PRKCE: variants seen among roughly 807,000 people sequenced by gnomAD.
PRKCE encodes the protein protein kinase C epsilon, also known as protein kinase C epsilon type.
A neutral mutation model predicts 85.4 loss-of-function variants in PRKCE; 16 were observed. The observed-to-expected ratio is 0.19, with a 90% CI of 0.13 to 0.28. The LOEUF (loss-of-function observed/expected upper bound fraction) is 0.28. Among genes scored for constraint, PRKCE ranks in the 10% least tolerant of loss-of-function variants. PRKCE has a pLI of 1.00. For synonymous variants in PRKCE, 388 were observed against 371.5 expected (o/e 1.04, Z -0.51); for missense variants, 573 against 975.2 (o/e 0.59, Z 5.49).
intron 1 of PRKCE, among the ~76,000 whole-genome samples, chr2:45,707,695 G>T (rs1168548387): frequency 6.6e-6 from 1 of 152,196 alleles, no homozygotes; most frequent in Non-Finnish European, 1.5e-5. Flanking sequence ...CATTTCTTCT[G>T]TGGCTTCTCA....
chr2:45,745,316 C>T (rs1008672908), intron 1 of PRKCE, among the ~76,000 whole-genome samples: 8 of 152,286 alleles, frequency 5.3e-5, no homozygotes, highest in African/African-American at 1.7e-4. Flanking sequence ...GACAGGCCCA[C>T]CCCAACTTTC....
chr2:45,933,324 A>G (rs77734494), intron 2 of PRKCE, among the ~76,000 whole-genome samples: 118 of 152,306 alleles, frequency 7.7e-4, no homozygotes, highest in African/African-American at 2.8e-3. Flanking sequence ...TGAGGAATGT[A>G]TCAATTTATC....
chr2:46,043,517 T>TA (rs1212431988), intron 10 of PRKCE, among the ~76,000 whole-genome samples: 49 of 152,230 alleles, frequency 3.2e-4, no homozygotes, highest in Admixed American at 1.3e-4. Flanking sequence ...CCCCTAGAGA[T>TA]AAGGCCATTG....
At position 45,737,607 on chromosome 2, in the gene PRKCE, TC is replaced by T. The variant is rs1179043398; in HGVS notation, c.348+85163del. On this transcript the variant is annotated intron_variant, in intron 1 of 14. Coordinates refer to ENST00000306156, the MANE Select transcript of PRKCE (RefSeq NM_005400.3). ...CCTCTCGCCTGTGATGTGTAGATGT[TC>T]CCCAAGCGTCTGCCCTACCTGGCCC... Among the ~76,000 whole-genome samples the T allele has an allele frequency of 2.4e-4, 36 of 150,496 alleles. No individual in the cohort carries two copies. The East Asian group carries it at 6.7e-3, about 28-fold the overall frequency.
rs568376045 is a variant in PRKCE, at chr2:45,688,637, T to C, written c.348+36189T>C. ...AAACCACCAAATGATTCTGTTGTTT[T>C]TGTGGGTTTCTTGAAAGAGACCAAG... On this transcript the variant is annotated intron_variant, in intron 1 of 14. Coordinates refer to ENST00000306156, the MANE Select transcript of PRKCE (RefSeq NM_005400.3). 4.3e-4 allele frequency among the ~76,000 whole-genome samples: 66 copies of C among 152,350 alleles called. 1 individual carries two copies. The highest frequency in any genetic ancestry group is 1.4e-3 in the African/African-American group (60 of 41,584).
intron 11 of PRKCE, among the ~76,000 whole-genome samples, chr2:46,135,852 G>A (rs1028302996): frequency 7.0e-6 from 1 of 143,644 alleles, no homozygotes; most frequent in Non-Finnish European, 1.5e-5. Flanking sequence ...CTTCCTGAGA[G>A]TGATGGGAGG....
chr2:46,107,416 G>A (rs1671833064), intron 11 of PRKCE, among the ~76,000 whole-genome samples: 1 of 152,198 alleles, frequency 6.6e-6, no homozygotes, highest in Non-Finnish European at 1.5e-5. Context: ...GCCGAGGCGG[G>A]CAGATATTCC....
At chr2:45,851,032 G>A (rs1350851453) in intron 2 of PRKCE, among the ~76,000 whole-genome samples, 1 of 152,242 alleles carries the variant, frequency 6.6e-6, no homozygotes. Context: ...TGGTAGGGCA[G>A]GGTGCTGTGG....
chr2:46,011,774 A>G (rs1301963295), intron 10 of PRKCE, among the ~76,000 whole-genome samples: 1 of 151,854 alleles, frequency 6.6e-6, no homozygotes, highest in Non-Finnish European at 1.5e-5. Context: ...TCTCTTACAC[A>G]CACATACACA....
chr2:45,802,525 A>G (rs888551172), intron 1 of PRKCE, among the ~76,000 whole-genome samples: 2 of 152,212 alleles, frequency 1.3e-5, no homozygotes, highest in Non-Finnish European at 2.9e-5. Flanking sequence ...AAAGCCTTTC[A>G]CAGCCTGCCT....
chr2:46,105,781 T>A (rs1371818240), intron 11 of PRKCE, among the ~76,000 whole-genome samples: 1 of 152,186 alleles, frequency 6.6e-6, no homozygotes, highest in Non-Finnish European at 1.5e-5. Flanking sequence ...CTTACCACAA[T>A]AGCAACAGGA....
At chr2:45,732,891 G>A (rs1681702218) in intron 1 of PRKCE, among the ~76,000 whole-genome samples, 1 of 152,176 alleles carries the variant, frequency 6.6e-6, no homozygotes, top group Admixed American at 6.5e-5. Context: ...CAGGAGAGAA[G>A]TTAAATCGTT....
chr2:45,735,073 A>G (rs1558611992), intron 1 of PRKCE, among the ~76,000 whole-genome samples: 1 of 152,190 alleles, frequency 6.6e-6, no homozygotes, highest in African/African-American at 2.4e-5. Flanking sequence ...TCCCTCTCAG[A>G]GTCACTGGGC....
rs1046724947 is a variant in PRKCE at position 45,798,008 on chromosome 2, C to G, written c.349-44992C>G. On this transcript the variant is annotated intron_variant, in intron 1 of 14. Transcript: ENST00000306156. ...CTTGTTCTCATTTCCTCATTTTATA[C>G]TCCTGTGAGGAATTCTTGGGGCTGC... Among the ~76,000 whole-genome samples, 4 of 152,182 alleles carry G rather than the reference C, an allele frequency of 2.6e-5. No homozygotes were observed. The East Asian group carries it at 7.7e-4, about 29-fold the overall frequency.
intron 2 of PRKCE, among the ~76,000 whole-genome samples, chr2:45,898,997 T>G (rs1179183234): frequency 6.6e-6 from 1 of 152,242 alleles, no homozygotes; most frequent in Non-Finnish European, 1.5e-5. Flanking sequence ...GTTTCAGGAC[T>G]TACATGTTCA....
rs1472780093 is a variant in PRKCE at position 46,186,670 on chromosome 2, C to T, written c.*1789C>T. ...ATTAAGCTATATTAAATCTCACATA[C>T]AGTTCTTCTGTGCTCTATTATACCC... is the stretch of plus-strand genomic sequence containing the variant. On this transcript the variant is annotated 3_prime_UTR_variant, in exon 15 of 15. Transcript: ENST00000306156. 1.3e-5 allele frequency: 2 copies of T among 152,510 alleles called. No individual in the cohort carries two copies. The highest frequency in any genetic ancestry group is 1.3e-4 in the Admixed American group (2 of 15,268). The allele number at this position is 152,510 out of a possible 1,614,324, so 9.4% of individuals were successfully genotyped here.
Position 45,989,944 on chromosome 2 carries a change from T to C in PRKCE, c.823+5264T>C, listed in dbSNP as rs550107278. Among the ~76,000 whole-genome samples, 8 of 152,340 alleles carry C rather than the reference T, an allele frequency of 5.3e-5. No individual in the cohort carries two copies. The South Asian group carries it at 1.7e-3, about 32-fold the overall frequency. Reference sequence around the variant, plus strand: ...TCCTCAGACTTCTAAAAATGTGCTATGGGTCCTCTTACTTCTAAAAATGTC... The same window carrying C: ...TCCTCAGACTTCTAAAAATGTGCTACGGGTCCTCTTACTTCTAAAAATGTC... On this transcript the variant is annotated intron_variant, in intron 6 of 14. Transcript: ENST00000306156.
intron 1 of PRKCE, among the ~76,000 whole-genome samples, chr2:45,830,129 A>G (rs889202806): frequency 2.0e-5 from 3 of 151,930 alleles, no homozygotes; most frequent in African/African-American, 7.3e-5. Context: ...AAATAGTATA[A>G]TGGTTTGGGG....
At position 46,128,922 on chromosome 2, in the gene PRKCE, A is replaced by G. The variant is rs565709851; in HGVS notation, c.1593-16171A>G. Among the ~76,000 whole-genome samples, 3 of 152,192 alleles carry G rather than the reference A, an allele frequency of 2.0e-5. No individual in the cohort carries two copies. In the South Asian group the frequency reaches 6.2e-4, roughly 32 times the overall value. ...CAGGTGCTTTGAACTTGAGGAAAAT[A>G]TGGATGCCATAGCAGATGTGGGTCC... On this transcript the variant is annotated intron_variant, in intron 11 of 14. Transcript: ENST00000306156.
Sources: gnomAD v4.1 joint callset for allele counts (sites outside exome capture counted in the v4.1 genomes callset) on GRCh38, gnomAD v4.1.1 for gene constraint, MANE v1.5 for transcripts, NCBI Gene and HGNC (gene_info 2026-07-23, HGNC 2026-07-21) for gene names.